Variants in DHRS4L2 observed in about 807,000 individuals in gnomAD.
DHRS4L2 encodes the protein dehydrogenase/reductase SDR family member 4-like 2.
Under a neutral mutation model 23.9 loss-of-function variants are expected in DHRS4L2, and 22 were observed. The observed-to-expected ratio is 0.92, with a 90% CI of 0.66 to 1.31. DHRS4L2 has a LOEUF of 1.31. DHRS4L2 is among the 40% of genes most tolerant of loss of function. The pLI, the probability that DHRS4L2 is intolerant of heterozygous loss-of-function variation, is 0.00. For synonymous variants in DHRS4L2, 141 were observed against 123.7 expected (o/e 1.14, Z -0.93); for missense variants, 385 against 303.3 (o/e 1.27, Z -2.00).
intron 1 of DHRS4L2, among the ~76,000 whole-genome samples, chr14:23,972,562 G>C (rs75991960): frequency 0.077 from 11,671 of 151,946 alleles, 687 homozygotes; most frequent in East Asian, 0.23. Context: ...CAAGCGGGTT[G>C]CTACTGCTTG....
At chr14:23,986,675 G>C (rs1431079251), upstream of DHRS4L2, among the ~76,000 whole-genome samples, 3 of 151,348 alleles carry the variant, frequency 2.0e-5, no homozygotes, top group East Asian at 3.9e-4. Flanking sequence ...CACTTTCCTG[G>C]AACCCTCAGC....
chr14:23,981,347 A>G (rs370384887), intron 1 of DHRS4L2, among the ~76,000 whole-genome samples: 8 of 151,764 alleles, frequency 5.3e-5, no homozygotes, highest in African/African-American at 1.9e-4. Flanking sequence ...ATGGATAGGA[A>G]GAATCAATAT....
chr14:23,991,454 A>C lies in DHRS4L2; in HGVS notation c.306+1095A>C, dbSNP rs1293309754. 3.3e-5 allele frequency among the ~76,000 whole-genome samples: 5 copies of C among 151,910 alleles called. 1 individual carries two copies. The highest frequency in any genetic ancestry group is 9.6e-5 in the African/African-American group (4 of 41,484). On this transcript the variant is annotated intron_variant, in intron 2 of 7. Coordinates refer to ENST00000335125, the MANE Select transcript of DHRS4L2 (RefSeq NM_198083.4). The stretch of plus-strand genomic sequence containing the variant: ...ACATGTAAGTAGCAATGTAATGTGA[A>C]AATCCTCCTAGAAAAACAACCTGTG...
intron 1 of DHRS4L2, among the ~76,000 whole-genome samples, chr14:23,982,331 C>G (rs1045845453): frequency 2.6e-5 from 4 of 151,672 alleles, no homozygotes; most frequent in African/African-American, 9.7e-5. Flanking sequence ...TTCCATAAAA[C>G]ACATGTTTCT....
In DHRS4L2 at chr14:23,970,229, C is replaced by T. The variant is rs77228193; in HGVS notation, c.-279C>T. 9.5e-4 allele frequency: 432 copies of T among 453,720 alleles called. 4 individuals are homozygous for T. In the East Asian group the frequency reaches 0.024, roughly 25 times the overall value. 28.1% of individuals were successfully genotyped at this position (453,720 alleles called of 1,614,324 possible). Reference sequence around the variant, plus strand: ...GGCCCTGCACCCCGGCCCGGTGCCTCACACCCCGCTACCCCAAGCATCCAG... The same window carrying T: ...GGCCCTGCACCCCGGCCCGGTGCCTTACACCCCGCTACCCCAAGCATCCAG... On this transcript the variant is annotated 5_prime_UTR_variant, in exon 1 of 6. Coordinates refer to the DHRS4L2 transcript ENST00000534993.
At chr14:23,988,484 C>T (rs1463019831), upstream of DHRS4L2, among the ~76,000 whole-genome samples, 1 of 150,260 alleles carries the variant, frequency 6.7e-6, no homozygotes, top group African/African-American at 2.4e-5. Context: ...ACAGGCCTCA[C>T]CTCCATGGGC....
intron 1 of DHRS4L2, among the ~76,000 whole-genome samples, chr14:23,981,970 G>A (rs1261564726): frequency 6.6e-6 from 1 of 151,662 alleles, no homozygotes; most frequent in Non-Finnish European, 1.5e-5. Context: ...TTTATACCAA[G>A]ACACTCAGTT....
chr14:23,970,010 T>A (rs1217535047), exon 1 of DHRS4L2: 1 of 455,548 alleles, frequency 2.2e-6, no homozygotes, highest in Non-Finnish European at 4.4e-6. Flanking sequence ...CGGGCTTTAC[T>A]GAAGCGGAGT....
Position 23,992,771 on chromosome 14 carries a change from G to A in DHRS4L2, c.307-2261G>A, listed in dbSNP as rs1166713359. ...CATGATCATAGCTCACTGTAACCTC[G>A]AAGTCCTGAACTCAAGCAATCCTCC... On this transcript the variant is annotated intron_variant, in intron 2 of 7. Transcript: ENST00000335125. 7.4e-5 allele frequency among the ~76,000 whole-genome samples: 11 copies of A among 149,350 alleles called. 1 individual carries two copies. Among genetic ancestry groups the A allele is most frequent in the Non-Finnish European group, 1.0e-4 (7 of 67,480 alleles).
In DHRS4L2 at chr14:23,973,135, G is replaced by C. The variant is rs1261749578; in HGVS notation, c.-176+2803G>C. Among the ~76,000 whole-genome samples, 10 of 152,030 alleles carry C rather than the reference G, an allele frequency of 6.6e-5. 1 individual carries two copies. Among genetic ancestry groups the C allele is most frequent in the Non-Finnish European group, 1.2e-4 (8 of 67,986 alleles). ...GCTTTCCTCTTTTACTAATCCACCA[G>C]AGCACAGACCCTTTATGGGTGTCAG... On this transcript the variant is annotated intron_variant, in intron 1 of 5. Transcript: ENST00000534993.
At chr14:23,976,954 G>T (rs1245972503) in intron 1 of DHRS4L2, among the ~76,000 whole-genome samples, 3 of 150,630 alleles carry the variant, frequency 2.0e-5, no homozygotes, top group Non-Finnish European at 3.0e-5. Flanking sequence ...GGGTCTGTTG[G>T]GGGCTGGGGG....
At chr14:23,988,836 C>G (rs377346223), upstream of DHRS4L2, 2 of 1,443,638 alleles carry the variant, frequency 1.4e-6, no homozygotes, top group Non-Finnish European at 1.8e-6. Context: ...CCCAGCTGGC[C>G]GAGGGCGGGA....
chr14:23,974,379 G>T lies in DHRS4L2; in HGVS notation c.-176+4047G>T, dbSNP rs1347469226. Among the ~76,000 whole-genome samples the T allele has an allele frequency of 2.6e-5, 4 of 151,120 alleles. No individual in the cohort carries two copies. In the South Asian group the frequency reaches 6.3e-4, roughly 24 times the overall value. Reference sequence around the variant, plus strand: ...CAAACAAATTCAAAAGCTAGCAGAAGACAACAAATAATGATGATCAGAGCA... The same window carrying T: ...CAAACAAATTCAAAAGCTAGCAGAATACAACAAATAATGATGATCAGAGCA... On this transcript the variant is annotated intron_variant, in intron 1 of 5. Coordinates refer to the DHRS4L2 transcript ENST00000534993.
intron 2 of DHRS4L2, among the ~76,000 whole-genome samples, chr14:23,993,910 A>C (rs548630156): frequency 6.6e-6 from 1 of 151,558 alleles, no homozygotes; most frequent in Non-Finnish European, 1.5e-5. Flanking sequence ...AAAGTGGGAG[A>C]CTGACCTCAC....
chr14:23,995,472 A>G (rs2034362320), intron 3 of DHRS4L2, among the ~76,000 whole-genome samples: 1 of 151,776 alleles, frequency 6.6e-6, no homozygotes, highest in South Asian at 2.1e-4. Flanking sequence ...CACTTAATTT[A>G]CACACCCACC....
chr14:23,988,232 C>A (rs1228984377), upstream of DHRS4L2, among the ~76,000 whole-genome samples: 3 of 149,940 alleles, frequency 2.0e-5, no homozygotes, highest in Non-Finnish European at 3.0e-5. Context: ...GCATTTCCAC[C>A]ACTGCTTGAG....
upstream of DHRS4L2, chr14:23,988,791 C>T (rs1054679501): frequency 2.5e-5 from 35 of 1,401,930 alleles, 1 homozygote; most frequent in African/African-American, 2.8e-4. Flanking sequence ...GGGCGACTGG[C>T]GGGCGGCGGG....
chr14:23,998,597 C>T (rs1465365294), intron 3 of DHRS4L2, among the ~76,000 whole-genome samples: 3 of 151,416 alleles, frequency 2.0e-5, no homozygotes, highest in African/African-American at 7.3e-5. Context: ...CTTCTTAAAC[C>T]TCATGAACCA....
chr14:24,001,434 T>C lies in DHRS4L2; in HGVS notation c.582T>C (p.Asn194=), dbSNP rs62000762. 5.0e-6 allele frequency: 8 copies of C among 1,606,996 alleles called. No homozygotes were observed. The South Asian group carries it at 5.5e-5, about 11-fold the overall frequency. ...AAACAGCCTTGCTGGGCCTCAACAA[T>C]ACCCTGGCCATAGAGCTGGCCCCAA... The part of the protein sequence containing the change: ...VSKTALLGLN[N]TLAIELAPRN... The change falls in exon 6 of 8, where the codon AAT becomes AAC. Residue 194 remains asparagine, a synonymous_variant. Transcript: ENST00000335125.
Sources: gnomAD v4.1 joint callset for allele counts (sites outside exome capture counted in the v4.1 genomes callset) on GRCh38, gnomAD v4.1.1 for gene constraint, MANE v1.5 for transcripts, NCBI Gene and HGNC (gene_info 2026-07-23, HGNC 2026-07-21) for gene names.